The following ZFAND3 variants were observed in gnomAD, a reference collection of about 807,000 sequenced individuals.
The protein encoded by ZFAND3 is AN1-type zinc finger protein 3.
A neutral mutation model predicts 29.6 loss-of-function variants in ZFAND3; 10 were observed. That is an observed-to-expected ratio of 0.34 (90% CI 0.21 to 0.57). ZFAND3 has a LOEUF of 0.57. Among genes scored for constraint, ZFAND3 ranks in the 20% least tolerant of loss-of-function variants. The probability of loss-of-function intolerance (pLI) is 0.86; values close to 1 mark genes in which losing one functional copy is unlikely to be tolerated. For synonymous variants in ZFAND3, 128 were observed against 112.6 expected (o/e 1.14, Z -0.87); for missense variants, 230 against 304.5 (o/e 0.76, Z 1.82).
intron 2 of ZFAND3, among the ~76,000 whole-genome samples, chr6:38,040,649 A>G (rs1400921389): frequency 6.6e-6 from 1 of 152,230 alleles, no homozygotes; most frequent in African/African-American, 2.4e-5. Context: ...TCCTTTATAC[A>G]GATTCGGGAG....
At position 38,061,746 on chromosome 6, in the gene ZFAND3, T is replaced by C; in HGVS notation, c.266T>C (p.Leu89Pro). The change falls in exon 3 of 6, where the codon CTG becomes CCG. Residue 89 changes from leucine (L) to proline (P), a missense_variant. Leu to Pro is a moderately conservative substitution (Grantham distance 98). Transcript: ENST00000287218. ...AGCCAGCAGCCGCTTCCGACAGAAC[T>C]GAATGTAACTTCACCGAGTAAAGAG... ...SPSQQPLPTELNVTSPSKEEC... is the reference protein window; with the variant it reads ...SPSQQPLPTEPNVTSPSKEEC... 6.2e-7 allele frequency: 1 copy of C among 1,614,120 alleles called. No individual in the cohort carries two copies. The highest frequency in any genetic ancestry group is 8.5e-7 in the Non-Finnish European group (1 of 1,180,004).
intron 4 of ZFAND3, among the ~76,000 whole-genome samples, chr6:38,102,767 G>GT (rs915954288): frequency 6.6e-6 from 1 of 151,984 alleles, no homozygotes; most frequent in Non-Finnish European, 1.5e-5. Flanking sequence ...TTTTTTGTTT[G>GT]TTTTTTTGAG....
chr6:38,048,150 C>T lies in ZFAND3; in HGVS notation c.113-13443C>T, dbSNP rs142472047. 3.2e-3 allele frequency among the ~76,000 whole-genome samples: 486 copies of T among 151,872 alleles called. 4 individuals are homozygous for T. Among genetic ancestry groups the T allele is most frequent in the African/African-American group, 0.011 (447 of 41,444 alleles). On this transcript the variant is annotated intron_variant, in intron 2 of 5. Transcript: ENST00000287218. ...CCTCCTGAGTAGCTGGGACTACAGG[C>T]GCGCACCATTATGCCTGGCCAATTT...
chr6:37,943,074 A>G (rs1208935727), intron 2 of ZFAND3, among the ~76,000 whole-genome samples: 3 of 152,248 alleles, frequency 2.0e-5, no homozygotes, highest in East Asian at 3.9e-4. Context: ...ATTAAAAAGT[A>G]TGTAGGAGTA....
rs1561922411 is a variant in ZFAND3 at position 37,886,280 on chromosome 6, A to AAAAAAAAAAC, written c.72-43678_72-43677insAAAAAAAACA. ...AAAAAAAAAAAAAAAAAAAAAAAAA[A>AAAAAAAAAAC]AGTTCAAAGAATATGCTGTTACTCA... On this transcript the variant is annotated intron_variant, in intron 1 of 5. Coordinates refer to ENST00000287218, the MANE Select transcript of ZFAND3 (RefSeq NM_021943.3). Among the ~76,000 whole-genome samples, 16 of 128,858 alleles carry AAAAAAAAAAC rather than the reference A, an allele frequency of 1.2e-4. 1 individual carries two copies. Among genetic ancestry groups the AAAAAAAAAAC allele is most frequent in the African/African-American group, 4.6e-4 (15 of 32,948 alleles). 84.5% of individuals were successfully genotyped at this position (128,858 alleles called of 152,430 possible).
intron 2 of ZFAND3, among the ~76,000 whole-genome samples, chr6:38,023,447 A>G (rs927991329): frequency 3.3e-5 from 5 of 152,238 alleles, no homozygotes; most frequent in Non-Finnish European, 4.4e-5. Context: ...GAAGTAATGC[A>G]TATGTTAATT....
chr6:38,009,000 C>T (rs544945352), intron 2 of ZFAND3, among the ~76,000 whole-genome samples: 230 of 152,188 alleles, frequency 1.5e-3, no homozygotes, highest in African/African-American at 5.2e-3. Context: ...CATGTTGTTC[C>T]GACCAGCTAT....
At chr6:37,930,142 T>G (rs60825537) in intron 2 of ZFAND3, 143 bp downstream of exon 2, 3 of 798,394 alleles carry the variant, frequency 3.8e-6, no homozygotes, top group Non-Finnish European at 5.6e-6. Flanking sequence ...GAAAGCAGTT[T>G]CACCTTACCA....
chr6:37,894,312 C>A (rs973391754), intron 1 of ZFAND3, among the ~76,000 whole-genome samples: 1 of 152,088 alleles, frequency 6.6e-6, no homozygotes, highest in Admixed American at 6.5e-5. Context: ...TTTACTTGTG[C>A]TCATTTCTTT....
chr6:38,110,963 A>T (rs556149001), intron 4 of ZFAND3, among the ~76,000 whole-genome samples: 1 of 152,362 alleles, frequency 6.6e-6, no homozygotes, highest in East Asian at 1.9e-4. Flanking sequence ...GACAGGCATG[A>T]CACAATTTAT....
chr6:38,009,230 A>G (rs1763103511), intron 2 of ZFAND3, among the ~76,000 whole-genome samples: 1 of 151,542 alleles, frequency 6.6e-6, no homozygotes, highest in Non-Finnish European at 1.5e-5. Flanking sequence ...CTTTTTCACT[A>G]TGAGTGTGTG....
intron 1 of ZFAND3, among the ~76,000 whole-genome samples, chr6:37,927,221 A>G (rs1561936816): frequency 6.6e-6 from 1 of 152,192 alleles, no homozygotes; most frequent in South Asian, 2.1e-4. Flanking sequence ...CCATTTTGCC[A>G]TTTTTTTAAA....
At chr6:37,976,966 A>G (rs1697120507) in intron 2 of ZFAND3, among the ~76,000 whole-genome samples, 1 of 152,166 alleles carries the variant, frequency 6.6e-6, no homozygotes, top group African/African-American at 2.4e-5. Context: ...TTGTGAATGA[A>G]GACAGTTTTA....
At chr6:37,962,029 C>T (rs1006977413) in intron 2 of ZFAND3, among the ~76,000 whole-genome samples, 4 of 152,110 alleles carry the variant, frequency 2.6e-5, no homozygotes, top group Non-Finnish European at 2.9e-5. Context: ...GCACCCGGGA[C>T]AAATCCTGAA....
chr6:38,117,256 C>CTTTTTT (rs35684874), intron 5 of ZFAND3, among the ~76,000 whole-genome samples: 8 of 96,350 alleles, frequency 8.3e-5, no homozygotes, highest in Non-Finnish European at 1.6e-4. Flanking sequence ...TTGAAATAGC[C>CTTTTTT]TTTTTTTTTT....
At chr6:38,140,293 A>G (rs1409499513) in intron 5 of ZFAND3, among the ~76,000 whole-genome samples, 1 of 152,194 alleles carries the variant, frequency 6.6e-6, no homozygotes, top group East Asian at 1.9e-4. Flanking sequence ...AGAGTGTAGG[A>G]TTAAGACAAA....
At chr6:38,027,081 T>A (rs1581850324) in intron 2 of ZFAND3, among the ~76,000 whole-genome samples, 2 of 152,212 alleles carry the variant, frequency 1.3e-5, no homozygotes, top group South Asian at 4.1e-4. Flanking sequence ...CCTACAGGGC[T>A]CTAAGGACAC....
At chr6:38,059,471 A>G (rs1315884348) in intron 2 of ZFAND3, among the ~76,000 whole-genome samples, 1 of 152,104 alleles carries the variant, frequency 6.6e-6, no homozygotes, top group Non-Finnish European at 1.5e-5. Context: ...TTTTCTGTTA[A>G]TGGACATTAC....
At chr6:37,826,523 G>T (rs941858716) in intron 1 of ZFAND3, among the ~76,000 whole-genome samples, 1 of 152,166 alleles carries the variant, frequency 6.6e-6, no homozygotes, top group Middle Eastern at 3.2e-3. Flanking sequence ...CGAGGCCAAG[G>T]CGTGAGGATC....
Sources: allele counts gnomAD v4.1 joint callset (sites outside exome capture counted in the v4.1 genomes callset), GRCh38; gene constraint gnomAD v4.1.1; transcripts MANE v1.5; gene names NCBI Gene and HGNC (gene_info 2026-07-23, HGNC 2026-07-21).